NRG1: variants seen among roughly 807,000 people sequenced by gnomAD.
NRG1 encodes the protein neuregulin 1, also known as pro-neuregulin-1, membrane-bound isoform.
NRG1 carries 18 observed loss-of-function variants against 63.8 expected under a neutral mutation model. The observed-to-expected ratio is 0.28, with a 90% confidence interval of 0.19 to 0.42. The LOEUF (loss-of-function observed/expected upper bound fraction) is 0.42, where lower values mean the gene tolerates loss of function less well. NRG1 is among the 10% of genes least tolerant of loss of function. The pLI is 1.00. For synonymous variants in NRG1, 302 were observed against 301.3 expected (o/e 1.00, Z -0.02); for missense variants, 762 against 814.7 (o/e 0.94, Z 0.79).
rs777230040 is a variant in NRG1 at position 32,673,676 on chromosome 8, T to C, written c.503-54273T>C. Among the ~76,000 whole-genome samples the C allele has an allele frequency of 3.2e-4, 49 of 152,348 alleles. 1 individual carries two copies. Among genetic ancestry groups the C allele is most frequent in the Non-Finnish European group, 6.0e-4 (41 of 68,030 alleles). Reference sequence around the variant, plus strand: ...ATCTAGAGATAGTAAGTCAGGCATCTACAGGAAAAGAATCCACTCTAGTGA... The same window carrying C: ...ATCTAGAGATAGTAAGTCAGGCATCCACAGGAAAAGAATCCACTCTAGTGA... On this transcript the variant is annotated intron_variant, in intron 5 of 11. Transcript: ENST00000356819.
chr8:32,025,457 A>G (rs1396443558), intron 1 of NRG1, among the ~76,000 whole-genome samples: 7 of 152,238 alleles, frequency 4.6e-5, no homozygotes, highest in African/African-American at 1.7e-4. Context: ...CAGTAAGATC[A>G]TAGTATAATT....
chr8:32,124,774 A>C (rs776022428), intron 1 of NRG1, among the ~76,000 whole-genome samples: 4 of 151,912 alleles, frequency 2.6e-5, no homozygotes, highest in Non-Finnish European at 5.9e-5. Context: ...AGTTATCACA[A>C]CAAAAGTAAC....
At chr8:32,662,321 G>A (rs1417867201) in intron 5 of NRG1, among the ~76,000 whole-genome samples, 1 of 152,228 alleles carries the variant, frequency 6.6e-6, no homozygotes, top group East Asian at 1.9e-4. Context: ...TGCCCAGGCA[G>A]AAGGCCAGTG....
chr8:31,894,613 C>T (rs796276704), intron 1 of NRG1, among the ~76,000 whole-genome samples: 8 of 141,068 alleles, frequency 5.7e-5, no homozygotes, highest in African/African-American at 1.7e-4. Flanking sequence ...TGCAGTGGTG[C>T]GATCTTGGCT....
chr8:32,337,459 C>G (rs1803418143), intron 1 of NRG1, among the ~76,000 whole-genome samples: 1 of 151,708 alleles, frequency 6.6e-6, no homozygotes, highest in African/African-American at 2.4e-5. Context: ...TTTAGTTTGT[C>G]TGTTTTATAA....
intron 1 of NRG1, among the ~76,000 whole-genome samples, chr8:32,388,159 A>G (rs760040841): frequency 6.6e-6 from 1 of 152,150 alleles, no homozygotes; most frequent in Non-Finnish European, 1.5e-5. Context: ...TAGCAGCCTC[A>G]CCTATGCAAA....
intron 1 of NRG1, among the ~76,000 whole-genome samples, chr8:31,852,011 T>A (rs1343699271): frequency 1.3e-5 from 2 of 149,268 alleles, no homozygotes; most frequent in African/African-American, 4.9e-5. Context: ...TCTATCATTG[T>A]TGGACATTTG....
At chr8:32,362,074 C>T (rs1807291770) in intron 1 of NRG1, among the ~76,000 whole-genome samples, 1 of 152,188 alleles carries the variant, frequency 6.6e-6, no homozygotes, top group African/African-American at 2.4e-5. Flanking sequence ...TCTCCCATTC[C>T]AGCCTAGTTT....
intron 1 of NRG1, among the ~76,000 whole-genome samples, chr8:31,879,190 A>G (rs1332425282): frequency 6.6e-6 from 1 of 152,198 alleles, no homozygotes; most frequent in Non-Finnish European, 1.5e-5. Flanking sequence ...AATTTCCTAT[A>G]GCAGTGTTAG....
chr8:32,411,383 T>G (rs1814922057), intron 1 of NRG1, among the ~76,000 whole-genome samples: 1 of 152,092 alleles, frequency 6.6e-6, no homozygotes, highest in Non-Finnish European at 1.5e-5. Context: ...GGAAAAGAAA[T>G]AATGTTTGTA....
chr8:31,970,793 C>T (rs1488401203), intron 1 of NRG1, among the ~76,000 whole-genome samples: 6 of 152,004 alleles, frequency 3.9e-5, no homozygotes, highest in Non-Finnish European at 7.4e-5. Flanking sequence ...TGCTACCTAC[C>T]GTGCTTCTCA....
intron 1 of NRG1, among the ~76,000 whole-genome samples, chr8:32,314,568 A>G (rs1056243045): frequency 1.3e-5 from 2 of 151,820 alleles, no homozygotes; most frequent in African/African-American, 4.9e-5. Context: ...TTCTCCTTGC[A>G]TGTGCTTCCC....
chr8:31,918,019 A>T (rs1254726558), intron 1 of NRG1, among the ~76,000 whole-genome samples: 2 of 152,150 alleles, frequency 1.3e-5, no homozygotes, highest in Non-Finnish European at 2.9e-5. Flanking sequence ...TTATTGGTGT[A>T]TAAGAATGCT....
chr8:32,686,811 A>G (rs541087082), intron 5 of NRG1, among the ~76,000 whole-genome samples: 8 of 152,212 alleles, frequency 5.3e-5, no homozygotes, highest in Admixed American at 5.2e-4. Context: ...CAGGAGGTGG[A>G]GAAAAGTGTG....
At chr8:32,138,272 C>T (rs1451324653) in intron 1 of NRG1, among the ~76,000 whole-genome samples, 6 of 151,994 alleles carry the variant, frequency 3.9e-5, no homozygotes, top group African/African-American at 9.7e-5. Context: ...TGTTTCACTG[C>T]GGACAGAATG....
chr8:31,760,842 A>G (rs1817469769), intron 1 of NRG1, among the ~76,000 whole-genome samples: 1 of 152,276 alleles, frequency 6.6e-6, no homozygotes, highest in East Asian at 1.9e-4. Flanking sequence ...GAACACTTTT[A>G]CACTGTTGGT....
chr8:31,674,640 A>G (rs554674317), intron 1 of NRG1, among the ~76,000 whole-genome samples: 2 of 151,866 alleles, frequency 1.3e-5, no homozygotes, highest in Non-Finnish European at 2.9e-5. Context: ...AGCTTTGTTT[A>G]GTATGAAGTC....
chr8:31,826,093 G>A (rs1443917955), intron 1 of NRG1, among the ~76,000 whole-genome samples: 1 of 152,126 alleles, frequency 6.6e-6, no homozygotes, highest in African/African-American at 2.4e-5. Flanking sequence ...TTTGAGTCAT[G>A]CACGTTGCCA....
At chr8:32,219,078 T>C (rs1413302357) in intron 1 of NRG1, among the ~76,000 whole-genome samples, 1 of 152,190 alleles carries the variant, frequency 6.6e-6, no homozygotes, top group African/African-American at 2.4e-5. Flanking sequence ...AGAAATATGA[T>C]TTCAAAAATC....
Sources: gnomAD v4.1 joint callset for allele counts (sites outside exome capture counted in the v4.1 genomes callset) on GRCh38, gnomAD v4.1.1 for gene constraint, MANE v1.5 for transcripts, NCBI Gene and HGNC (gene_info 2026-07-23, HGNC 2026-07-21) for gene names.